Variants in ASCC3 observed in about 807,000 individuals in gnomAD.
ASCC3 encodes ASC-1 complex subunit P200.
In ASCC3, 158 loss-of-function variants were observed where a neutral mutation model predicts 256.3. That is an observed-to-expected ratio of 0.62 (90% confidence interval 0.54 to 0.70). ASCC3 has a LOEUF of 0.70. Among genes scored for constraint, ASCC3 ranks in the 30% least tolerant of loss-of-function variants. The pLI is 0.00. For synonymous variants in ASCC3, 948 were observed against 883.4 expected, an observed-to-expected ratio of 1.07 and a Z score of -1.30; for missense variants, 2,259 against 2,626.0, an observed-to-expected ratio of 0.86 and a Z score of 3.05.
chr6:100,737,347 C>T (rs1348304893), intron 10 of ASCC3, among the ~76,000 whole-genome samples: 1 of 151,918 alleles, frequency 6.6e-6, no homozygotes, highest in African/African-American at 2.4e-5. Flanking sequence ...ATATTAAGCC[C>T]AGCATCCCTT....
At chr6:100,574,071 AACTAGAT>A (rs1207155815) in intron 36 of ASCC3, among the ~76,000 whole-genome samples, 3 of 152,066 alleles carry the variant, frequency 2.0e-5, no homozygotes, top group Admixed American at 2.0e-4. Flanking sequence ...TGGCACACAG[AACTAGAT>A]ACAAGCTTAT....
intron 4 of ASCC3, among the ~76,000 whole-genome samples, chr6:100,814,002 A>C (rs1770616696): frequency 6.6e-6 from 1 of 152,146 alleles, no homozygotes; most frequent in Admixed American, 6.5e-5. Context: ...GAGAGAGGAC[A>C]TCCTTGTCTT....
At chr6:100,873,045 T>A (rs533307987) in intron 1 of ASCC3, among the ~76,000 whole-genome samples, 38 of 152,020 alleles carry the variant, frequency 2.5e-4, no homozygotes, top group African/African-American at 9.2e-4. Context: ...AAGAAATCCC[T>A]GATTTACCTG....
At chr6:100,575,749 C>T (rs754927562) in intron 36 of ASCC3, among the ~76,000 whole-genome samples, 8 of 151,998 alleles carry the variant, frequency 5.3e-5, no homozygotes, top group Non-Finnish European at 1.5e-5. Context: ...AGACATAAGA[C>T]ATTTGGGGCA....
At chr6:100,685,307 T>A (rs1420092904) in intron 13 of ASCC3, among the ~76,000 whole-genome samples, 1 of 152,170 alleles carries the variant, frequency 6.6e-6, no homozygotes, top group African/African-American at 2.4e-5. Context: ...TCCTGGCAGT[T>A]TATGTTTTCA....
intron 37 of ASCC3, among the ~76,000 whole-genome samples, chr6:100,532,335 C>CGTGTGTGTGT (rs3073701): frequency 2.3e-4 from 23 of 99,796 alleles, no homozygotes; most frequent in East Asian, 9.3e-4. Flanking sequence ...TGCTATCTTG[C>CGTGTGTGTGT]GTGTGTGTGT....
chr6:100,651,976 G>C (rs912949154), intron 18 of ASCC3, among the ~76,000 whole-genome samples: 1 of 151,994 alleles, frequency 6.6e-6, no homozygotes, highest in African/African-American at 2.4e-5. Flanking sequence ...TGGCCATGTG[G>C]AAATCTGCAC....
chr6:100,662,408 G>A lies in ASCC3; in HGVS notation c.2415C>T (p.Val805=). The change falls in exon 15 of 42, where the codon GTC becomes GTT. Residue 805 remains valine (V), a synonymous_variant. Coordinates refer to ENST00000369162, the MANE Select transcript of ASCC3 (RefSeq NM_006828.4). ...AGGCTAACGTAGCTGTACACACTAGGACTTTGATATGCCCATTAGAAAACA... is the reference window on the plus strand; with the variant it reads ...AGGCTAACGTAGCTGTACACACTAGAACTTTGATATGCCCATTAGAAAACA... ...ENLFSNGHIK[V]LVCTATLAWG... The A allele has an allele frequency of 1.2e-6, 2 of 1,613,292 alleles. No homozygotes were observed. The highest frequency in any genetic ancestry group is 1.7e-6 in the Non-Finnish European group (2 of 1,179,490).
intron 34 of ASCC3, among the ~76,000 whole-genome samples, chr6:100,599,645 T>A: frequency 6.6e-6 from 1 of 151,626 alleles, no homozygotes; most frequent in Non-Finnish European, 1.5e-5. Context: ...TTTTTTGCAA[T>A]TTAAAATAGA....
intron 37 of ASCC3, among the ~76,000 whole-genome samples, chr6:100,533,322 T>C (rs2114648775): frequency 6.6e-6 from 1 of 152,304 alleles, no homozygotes; most frequent in African/African-American, 2.4e-5. Context: ...TATGTAGCAC[T>C]GAAGTTAAGG....
chr6:100,519,429 A>G (rs1252294546), intron 37 of ASCC3, among the ~76,000 whole-genome samples: 18 of 152,150 alleles, frequency 1.2e-4, no homozygotes. Flanking sequence ...TTATAAATCT[A>G]GGGAAAATCC....
chr6:100,865,259 T>C (rs1773422764), intron 2 of ASCC3, among the ~76,000 whole-genome samples: 2 of 152,200 alleles, frequency 1.3e-5, no homozygotes, highest in African/African-American at 4.8e-5. Flanking sequence ...TAAAAAGTTA[T>C]ATTAAAATGA....
intron 4 of ASCC3, among the ~76,000 whole-genome samples, chr6:100,828,538 G>A (rs1771445424): frequency 6.6e-6 from 1 of 151,618 alleles, no homozygotes; most frequent in South Asian, 2.1e-4. Flanking sequence ...TGGCGCATCT[G>A]GAGTTTGCTC....
At chr6:100,640,007 C>T (rs536057177) in intron 24 of ASCC3, among the ~76,000 whole-genome samples, 9 of 152,072 alleles carry the variant, frequency 5.9e-5, no homozygotes, top group East Asian at 1.9e-4. Flanking sequence ...CCCAGCTACT[C>T]GGGAGGCTGA....
chr6:100,577,094 G>GA (rs1304062082), intron 36 of ASCC3, among the ~76,000 whole-genome samples: 1 of 149,692 alleles, frequency 6.7e-6, no homozygotes, highest in Non-Finnish European at 1.5e-5. Flanking sequence ...AGCTCCAACA[G>GA]AAAAAAATTC....
At position 100,512,928 on chromosome 6, in the gene ASCC3, AAG is replaced by A. The variant is rs769418724; in HGVS notation, c.6076-12_6076-11del. The A allele has an allele frequency of 1.1e-5, 17 of 1,609,598 alleles. No individual in the cohort carries two copies. Among genetic ancestry groups the A allele is most frequent in the South Asian group, 2.2e-5 (2 of 90,784 alleles). ...ATAAGAAATTCCATGCCTAAATAAA[AAG>A]AGAAAAGAAACAATAAAGGAGGAGT... On this transcript the variant is annotated splice_polypyrimidine_tract_variant and intron_variant, in intron 39 of 41. Transcript: ENST00000369162.
chr6:100,762,944 C>T (rs778205343), intron 10 of ASCC3, among the ~76,000 whole-genome samples: 8 of 152,022 alleles, frequency 5.3e-5, no homozygotes, highest in Non-Finnish European at 8.8e-5. Flanking sequence ...GAAAAAATCA[C>T]AAGGCAAATT....
At chr6:100,757,066 A>G (rs1320570398) in intron 10 of ASCC3, among the ~76,000 whole-genome samples, 1 of 152,166 alleles carries the variant, frequency 6.6e-6, no homozygotes, top group African/African-American at 2.4e-5. Flanking sequence ...ACCCAAACAG[A>G]TCTTTTGATG....
intron 4 of ASCC3, among the ~76,000 whole-genome samples, chr6:100,813,934 A>G (rs2114395877): frequency 6.6e-6 from 1 of 152,090 alleles, no homozygotes; most frequent in South Asian, 2.1e-4. Flanking sequence ...GATGCCTGAT[A>G]TTTCTTTCTC....
Sources: allele counts gnomAD v4.1 joint callset (sites outside exome capture counted in the v4.1 genomes callset), GRCh38; gene constraint gnomAD v4.1.1; transcripts MANE v1.5; gene names NCBI Gene and HGNC (gene_info 2026-07-23, HGNC 2026-07-21).